TEAD1: variants seen among roughly 807,000 people sequenced by gnomAD.
The protein encoded by TEAD1 is TEA domain transcription factor 1.
TEAD1 carries 9 observed loss-of-function variants against 54.9 expected under a neutral mutation model. The observed-to-expected ratio is 0.16, with a 90% CI of 0.10 to 0.29. TEAD1 has a LOEUF of 0.29. TEAD1 is among the 10% of genes least tolerant of loss of function. The pLI is 1.00. For missense variants in TEAD1, 387 were observed against 535.9 expected, an observed-to-expected ratio of 0.72 and a Z score of 2.74; for synonymous variants, 200 against 187.8, an observed-to-expected ratio of 1.07 and a Z score of -0.53.
chr11:12,764,480 G>A, intron 3 of TEAD1, 46 bp downstream of exon 3: 2 of 1,599,858 alleles, frequency 1.3e-6, no homozygotes, highest in Non-Finnish European at 8.6e-7. Context: ...ACCTGCAGTT[G>A]TGGTAGGGGA....
chr11:12,809,673 C>T (rs1245317119), intron 3 of TEAD1, among the ~76,000 whole-genome samples: 1 of 152,162 alleles, frequency 6.6e-6, no homozygotes, highest in Non-Finnish European at 1.5e-5. Context: ...CAGTGCTGCC[C>T]CTCAAGTCTA....
At chr11:12,753,968 C>G (rs767330145) in intron 2 of TEAD1, among the ~76,000 whole-genome samples, 2 of 152,054 alleles carry the variant, frequency 1.3e-5, no homozygotes, top group Non-Finnish European at 2.9e-5. Flanking sequence ...ATCAACCTGG[C>G]TCATGTATCA....
intron 9 of TEAD1, among the ~76,000 whole-genome samples, chr11:12,895,188 G>A (rs1238415753): frequency 6.6e-6 from 1 of 150,472 alleles, no homozygotes; most frequent in African/African-American, 2.5e-5. Flanking sequence ...GAAGACGAAA[G>A]TCCTTTATTA....
intron 2 of TEAD1, among the ~76,000 whole-genome samples, chr11:12,690,928 T>C (rs1010439361): frequency 3.3e-5 from 5 of 152,142 alleles, no homozygotes; most frequent in Admixed American, 2.6e-4. Flanking sequence ...GCTAGTTTTT[T>C]AGTTTTTTGT....
intron 3 of TEAD1, among the ~76,000 whole-genome samples, chr11:12,775,738 G>A (rs1945402965): frequency 6.6e-6 from 1 of 152,188 alleles, no homozygotes; most frequent in Non-Finnish European, 1.5e-5. Context: ...TTGCCACAGG[G>A]AGATGGGATT....
chr11:12,684,669 TA>T (rs1445661201), intron 2 of TEAD1, among the ~76,000 whole-genome samples: 2 of 151,970 alleles, frequency 1.3e-5, no homozygotes, highest in Non-Finnish European at 2.9e-5. Context: ...AGAGTTGGAG[TA>T]AAGTTTAGAT....
At position 12,775,409 on chromosome 11, in the gene TEAD1, C is replaced by G. The variant is rs1029932620; in HGVS notation, c.202+10975C>G. On this transcript the variant is annotated intron_variant, in intron 3 of 12. Transcript: ENST00000527636. The stretch of plus-strand genomic sequence containing the variant: ...CAGGCCTGGATTCAACGATGTTTCT[C>G]TGTTCTCATCCCCACCGGACCCCCA... 3.3e-5 allele frequency among the ~76,000 whole-genome samples: 5 copies of G among 152,210 alleles called. 1 individual carries two copies. The highest frequency in any genetic ancestry group is 7.3e-5 in the Non-Finnish European group (5 of 68,038).
intron 12 of TEAD1, among the ~76,000 whole-genome samples, chr11:12,934,185 C>T (rs1949059387): frequency 6.6e-6 from 1 of 152,176 alleles, no homozygotes; most frequent in South Asian, 2.1e-4. Context: ...GGCACATATA[C>T]ATCATGGAAT....
At chr11:12,693,496 T>C (rs1943508186) in intron 2 of TEAD1, among the ~76,000 whole-genome samples, 1 of 152,232 alleles carries the variant, frequency 6.6e-6, no homozygotes, top group Non-Finnish European at 1.5e-5. Context: ...GCTAAATCTA[T>C]TTTTACATCT....
At chr11:12,786,564 T>C (rs1945681220) in intron 3 of TEAD1, among the ~76,000 whole-genome samples, 1 of 152,232 alleles carries the variant, frequency 6.6e-6, no homozygotes, top group Non-Finnish European at 1.5e-5. Flanking sequence ...ATATTTTATA[T>C]AGCAACTCTA....
intron 2 of TEAD1, among the ~76,000 whole-genome samples, chr11:12,679,084 CTG>C (rs758674550): frequency 1.3e-5 from 2 of 152,096 alleles, no homozygotes; most frequent in South Asian, 4.1e-4. Context: ...TCTTGGCTAA[CTG>C]TGAAACTCAC....
At chr11:12,692,052 ATTG>A in intron 2 of TEAD1, among the ~76,000 whole-genome samples, 1 of 152,304 alleles carries the variant, frequency 6.6e-6, no homozygotes, top group East Asian at 1.9e-4. Flanking sequence ...TAACATAGCT[ATTG>A]TTTTAGTGCT....
intron 3 of TEAD1, among the ~76,000 whole-genome samples, chr11:12,824,134 C>G (rs1946604233): frequency 6.6e-6 from 1 of 152,184 alleles, no homozygotes; most frequent in African/African-American, 2.4e-5. Context: ...ATTTTTCAAA[C>G]AGTATTTTCT....
chr11:12,936,628 A>G (rs1383876055), intron 12 of TEAD1, among the ~76,000 whole-genome samples: 1 of 152,244 alleles, frequency 6.6e-6, no homozygotes, highest in East Asian at 1.9e-4. Flanking sequence ...TCGTCCCACA[A>G]GGTATATACA....
intron 3 of TEAD1, among the ~76,000 whole-genome samples, chr11:12,855,156 G>A (rs1452884948): frequency 2.0e-5 from 3 of 152,210 alleles, no homozygotes; most frequent in Admixed American, 6.5e-5. Context: ...TCAGGAAGAT[G>A]GATGGGGAGA....
chr11:12,726,620 G>A (rs1564919892), intron 2 of TEAD1, among the ~76,000 whole-genome samples: 3 of 152,198 alleles, frequency 2.0e-5, no homozygotes, highest in African/African-American at 7.2e-5. Context: ...TATAATTCCA[G>A]CTCTTTGGGA....
At chr11:12,720,588 A>G (rs775252565) in intron 2 of TEAD1, among the ~76,000 whole-genome samples, 47 of 152,286 alleles carry the variant, frequency 3.1e-4, no homozygotes, top group Middle Eastern at 3.4e-3. Context: ...TGAAGGTCTC[A>G]TTGTCAGAAA....
At chr11:12,791,892 C>T (rs115679071) in intron 3 of TEAD1, among the ~76,000 whole-genome samples, 1,614 of 152,228 alleles carry the variant, frequency 0.011, 32 homozygotes, top group African/African-American at 0.038. Flanking sequence ...ATATGCAAAA[C>T]AAGTTAAACC....
intron 2 of TEAD1, among the ~76,000 whole-genome samples, chr11:12,687,884 C>A (rs1170680992): frequency 6.6e-6 from 1 of 152,120 alleles, no homozygotes; most frequent in African/African-American, 2.4e-5. Flanking sequence ...GGGCAGGACT[C>A]CTCCGGGCCA....
Sources: allele counts gnomAD v4.1 joint callset (sites outside exome capture counted in the v4.1 genomes callset), GRCh38; gene constraint gnomAD v4.1.1; transcripts MANE v1.5; gene names NCBI Gene and HGNC (gene_info 2026-07-23, HGNC 2026-07-21).